The following SUMF2 variants were observed in gnomAD, a reference collection of about 807,000 sequenced individuals.
SUMF2 encodes sulfatase modifying factor 2, also known as inactive C-alpha-formylglycine-generating enzyme 2.
Under a neutral mutation model 44.8 loss-of-function variants are expected in SUMF2, and 45 were observed. The observed-to-expected ratio is 1.00, with a 90% CI of 0.79 to 1.29. SUMF2 has a LOEUF of 1.29. SUMF2 is among the 50% of genes most tolerant of loss of function. The pLI is 0.00. For synonymous variants in SUMF2, 148 were observed against 150.4 expected (o/e 0.98, Z 0.12); for missense variants, 418 against 389.9 (o/e 1.07, Z -0.61).
At chr7:56,066,024 T>G (rs1193595447) in intron 1 of SUMF2, among the ~76,000 whole-genome samples, 2 of 145,542 alleles carry the variant, frequency 1.4e-5, no homozygotes. Context: ...GAGGTTGCAG[T>G]TTTCCGAGAT....
intron 2 of SUMF2, among the ~76,000 whole-genome samples, chr7:56,070,708 CCAGTGGCTT>C (rs1250218066): frequency 6.6e-6 from 1 of 151,904 alleles, no homozygotes; most frequent in Non-Finnish European, 1.5e-5. Context: ...ATCTCCTGCT[CCAGTGGCTT>C]TATTCATGAT....
chr7:56,066,149 A>G (rs1179345127), intron 1 of SUMF2, among the ~76,000 whole-genome samples: 1 of 151,714 alleles, frequency 6.6e-6, no homozygotes, highest in Non-Finnish European at 1.5e-5. Flanking sequence ...CTGAAAATGG[A>G]TGAAATCACT....
At chr7:56,074,312 A>G (rs937951240) in intron 4 of SUMF2, 94 bp downstream of exon 4, 1 of 1,339,834 alleles carries the variant, frequency 7.5e-7, no homozygotes. Context: ...ATCCAGGAAC[A>G]CTGAGTTTCA....
At chr7:56,069,533 C>T (rs1795026330) in intron 2 of SUMF2, among the ~76,000 whole-genome samples, 1 of 151,992 alleles carries the variant, frequency 6.6e-6, no homozygotes, top group South Asian at 2.1e-4. Flanking sequence ...CTTACCCTGA[C>T]AGTCTGCCCC....
intron 2 of SUMF2, 121 bp downstream of exon 2, chr7:56,068,759 A>AGTGGC: frequency 8.2e-7 from 1 of 1,220,462 alleles, no homozygotes; most frequent in African/African-American, 1.6e-5. Flanking sequence ...GCTGGAGTGC[A>AGTGGC]GTGGCGCAAT....
downstream of SUMF2, chr7:56,083,211 C>G: frequency 7.0e-7 from 1 of 1,438,450 alleles, no homozygotes; most frequent in Non-Finnish European, 9.7e-7. Flanking sequence ...CCCAGACCAT[C>G]TCTATTCTGC....
chr7:56,087,194 T>TTTATTATTATTA, the SUMF2 span, among the ~76,000 whole-genome samples: 145 of 136,080 alleles, frequency 1.1e-3, no homozygotes, highest in Admixed American at 4.5e-3. Context: ...GCCCAGGGAC[T>TTTATTATTATTA]TTATTATTAT....
intron 6 of SUMF2, among the ~76,000 whole-genome samples, 158 bp downstream of exon 6, chr7:56,077,047 C>CTTT (rs949808656): frequency 7.4e-6 from 1 of 135,354 alleles, no homozygotes; most frequent in Non-Finnish European, 1.6e-5. Flanking sequence ...TAAGTGCTTT[C>CTTT]TTTTTTTTTT....
At chr7:56,073,152 G>A (rs369091447) in intron 3 of SUMF2, 41 bp downstream of exon 3, 39 of 1,502,796 alleles carry the variant, frequency 2.6e-5, no homozygotes, top group Non-Finnish European at 3.3e-5. Context: ...ATAGGAGTGG[G>A]ACCTGGACAG....
chr7:56,078,737 C>T (rs1329354575), intron 8 of SUMF2, among the ~76,000 whole-genome samples: 1 of 152,182 alleles, frequency 6.6e-6, no homozygotes, highest in East Asian at 1.9e-4. Context: ...CCTGCCAGCT[C>T]TTGGTACCCA....
downstream of SUMF2, chr7:56,083,743 A>T (rs770661604): frequency 6.7e-7 from 1 of 1,503,338 alleles, no homozygotes; most frequent in Non-Finnish European, 9.1e-7. Context: ...TGATAGCTGG[A>T]TCGGTCCCAA....
chr7:56,068,597 C>T lies in SUMF2; in HGVS notation c.183C>T (p.Pro61=). ...CTGTGCGGGAGGCGACAGTGAAACC[C>T]TTTGCCATCGACATATTTCCTGTCA... is the stretch of plus-strand genomic sequence containing the variant. ...DGPVREATVK[P]FAIDIFPVTN... Residue 61 remains proline, a synonymous_variant, in exon 2 of 9, where the codon CCC becomes CCT. Transcript: ENST00000434526. The T allele has an allele frequency of 6.2e-7, 1 of 1,613,938 alleles. No individual in the cohort carries two copies. The highest frequency in any genetic ancestry group is 1.1e-5 in the South Asian group (1 of 91,040).
In SUMF2 at chr7:56,078,448, G is replaced by A; in HGVS notation, c.761G>A (p.Gly254Glu). 1 of 1,608,314 alleles carries A rather than the reference G, an allele frequency of 6.2e-7. No individual in the cohort carries two copies. Among genetic ancestry groups the A allele is most frequent in the Non-Finnish European group, 8.5e-7 (1 of 1,176,728 alleles). Residue 254 changes from glycine to glutamate, a missense_variant, in exon 8 of 9, where the codon GGG becomes GAG. Gly to Glu is a moderately conservative substitution (Grantham distance 98). Transcript: ENST00000434526. Reference protein sequence around the residue: ...AAEQDMRVLRGASWIDTADGS... With the variant: ...AAEQDMRVLREASWIDTADGS... ...GAGCAGGACATGCGCGTCCTCCGGG[G>A]GGCATCCTGGATCGACACAGCTGAT...
downstream of SUMF2, chr7:56,081,315 G>C (rs377245177): frequency 1.2e-5 from 19 of 1,596,468 alleles, no homozygotes; most frequent in Non-Finnish European, 1.5e-5. The surrounding 1 kb of genome is among the most constrained non-coding windows in gnomAD (Gnocchi z 4.6). Context: ...GGGCCAGGCG[G>C]AGAAGCTGGG....
the SUMF2 span, chr7:56,087,537 G>C: frequency 2.6e-6 from 4 of 1,525,666 alleles, no homozygotes; most frequent in South Asian, 2.3e-5. Flanking sequence ...TCCCTGGCTT[G>C]GGCTGTCAGG....
intron 4 of SUMF2, 47 bp downstream of exon 4, chr7:56,074,265 T>TA: frequency 6.4e-7 from 1 of 1,574,788 alleles, no homozygotes. Flanking sequence ...GCTTGACTCT[T>TA]ATTCTCCAGG....
At chr7:56,077,109 C>T (rs1461831015) in intron 6 of SUMF2, among the ~76,000 whole-genome samples, 6 of 148,070 alleles carry the variant, frequency 4.1e-5, no homozygotes, top group Non-Finnish European at 8.9e-5. Flanking sequence ...TGCAGTGGTG[C>T]GATCTTGGCT....
At chr7:56,070,415 C>A (rs2117421620) in intron 2 of SUMF2, among the ~76,000 whole-genome samples, 1 of 151,604 alleles carries the variant, frequency 6.6e-6, no homozygotes, top group East Asian at 1.9e-4. Flanking sequence ...CACTTGAGCC[C>A]AGGAGTTCGA....
At chr7:56,086,083 G>A in the SUMF2 span, among the ~76,000 whole-genome samples, 1 of 151,116 alleles carries the variant, frequency 6.6e-6, no homozygotes, top group Non-Finnish European at 1.5e-5. Context: ...GGTGCTGACC[G>A]ACCTTACATC....
Sources: gnomAD v4.1 joint callset for allele counts (sites outside exome capture counted in the v4.1 genomes callset) on GRCh38, gnomAD v4.1.1 for gene constraint, Gnocchi (gnomAD v3.1) non-coding constraint, MANE v1.5 for transcripts, NCBI Gene and HGNC (gene_info 2026-07-23, HGNC 2026-07-21) for gene names.